The following RAB6A variants were observed in gnomAD, a reference collection of about 807,000 sequenced individuals.
RAB6A encodes RAB6A, member RAS oncogene family, also known as ras-related protein Rab-6A.
Under a neutral mutation model 32.3 loss-of-function variants are expected in RAB6A, and 8 were observed. The ratio of observed to expected loss-of-function variants is 0.25; its 90% CI spans 0.15 to 0.45. The LOEUF (loss-of-function observed/expected upper bound fraction) is 0.45, where lower values mean the gene tolerates loss of function less well. RAB6A is among the 20% of genes least tolerant of loss of function. The probability of loss-of-function intolerance (pLI) is 1.00; values close to 1 mark genes in which losing one functional copy is unlikely to be tolerated. For synonymous variants in RAB6A, 73 were observed against 82.1 expected, an observed-to-expected ratio of 0.89 and a Z score of 0.60; for missense variants, 104 against 249.4, an observed-to-expected ratio of 0.42 and a Z score of 3.93.
intron 4 of RAB6A, 127 bp from the exon 5 acceptor site, chr11:73,716,489 T>G (rs528777332): frequency 1.7e-6 from 1 of 589,524 alleles, no homozygotes; most frequent in African/African-American, 1.9e-5. Flanking sequence ...CCACTTTTAA[T>G]GTGCCTGCAA....
intron 5 of RAB6A, among the ~76,000 whole-genome samples, chr11:73,715,270 G>A (rs1389017227): frequency 1.3e-5 from 2 of 152,184 alleles, no homozygotes. Flanking sequence ...GGGATTACAG[G>A]TGCATGCCAC....
intron 2 of RAB6A, among the ~76,000 whole-genome samples, chr11:73,723,918 C>T (rs963428135): frequency 6.6e-6 from 1 of 152,150 alleles, no homozygotes; most frequent in African/African-American, 2.4e-5. Flanking sequence ...TATCTATATA[C>T]TGTAAACCAG....
intron 1 of RAB6A, among the ~76,000 whole-genome samples, chr11:73,754,881 A>G (rs373017822): frequency 1.7e-3 from 52 of 30,036 alleles, no homozygotes; most frequent in African/African-American, 3.4e-3. Context: ...AGAGGGATGC[A>G]GTCAAAAAAA....
At chr11:73,689,745 T>C (rs1433641629) in intron 6 of RAB6A, among the ~76,000 whole-genome samples, 1 of 152,120 alleles carries the variant, frequency 6.6e-6, no homozygotes, top group African/African-American at 2.4e-5. Flanking sequence ...ACTGAGGTCT[T>C]ATGTTTCCCT....
intron 6 of RAB6A, among the ~76,000 whole-genome samples, chr11:73,700,054 T>C (rs1207622886): frequency 1.3e-5 from 2 of 152,220 alleles, no homozygotes; most frequent in African/African-American, 4.8e-5. Context: ...CAAACAAATC[T>C]TCTTTTTATG....
chr11:73,712,379 C>A (rs1426451419), intron 5 of RAB6A, among the ~76,000 whole-genome samples: 1 of 148,524 alleles, frequency 6.7e-6, no homozygotes, highest in Non-Finnish European at 1.5e-5. Flanking sequence ...TTGAGACAGT[C>A]TCACTCTGTT....
At chr11:73,718,836 G>A in intron 3 of RAB6A, 118 bp from the exon 4 acceptor site, 1 of 1,593,588 alleles carries the variant, frequency 6.3e-7, no homozygotes, top group Non-Finnish European at 8.6e-7. Context: ...ATGTAACTGG[G>A]AATGAGGCTA....
At chr11:73,678,711 TATG>T in intron 7 of RAB6A, among the ~76,000 whole-genome samples, 1 of 147,240 alleles carries the variant, frequency 6.8e-6, no homozygotes, top group Non-Finnish European at 1.5e-5. Context: ...TATTATGTTT[TATG>T]TTGTTGTTGT....
Position 73,716,556 on chromosome 11 carries a change from A to T in RAB6A, c.290-194T>A, listed in dbSNP as rs564029663. Among the ~76,000 whole-genome samples the T allele has an allele frequency of 3.3e-5, 5 of 152,362 alleles. No individual in the cohort carries two copies. In the South Asian group the frequency reaches 1.0e-3, roughly 32 times the overall value. On this transcript the variant is annotated intron_variant, in intron 4 of 7. Coordinates refer to ENST00000336083, the MANE Select transcript of RAB6A (RefSeq NM_198896.2). ...AGCAATTTAAACAAATTACAAGAAT[A>T]AAATCTTCAAGGTTCCTTTTAGAGT...
chr11:73,724,778 G>T (rs1041766621), intron 2 of RAB6A, among the ~76,000 whole-genome samples: 1 of 152,190 alleles, frequency 6.6e-6, no homozygotes, highest in Non-Finnish European at 1.5e-5. Flanking sequence ...GAGCCACTGC[G>T]CCTGGCCTCC....
chr11:73,680,754 C>G (rs1189531854), intron 6 of RAB6A, among the ~76,000 whole-genome samples: 2 of 152,134 alleles, frequency 1.3e-5, no homozygotes, highest in African/African-American at 4.8e-5. Context: ...TAGAAAAGCA[C>G]TATGTTAGAG....
intron 1 of RAB6A, among the ~76,000 whole-genome samples, chr11:73,734,424 C>T (rs1946363090): frequency 6.6e-6 from 1 of 152,094 alleles, no homozygotes; most frequent in Admixed American, 6.6e-5. Flanking sequence ...CCGCACCTGG[C>T]CAGTTTATCC....
At chr11:73,743,135 A>G (rs1403572697) in intron 1 of RAB6A, among the ~76,000 whole-genome samples, 1 of 151,900 alleles carries the variant, frequency 6.6e-6, no homozygotes, top group African/African-American at 2.4e-5. Context: ...ATCTCTACTA[A>G]AAATACACAC....
At chr11:73,700,945 G>C (rs1945735324) in intron 6 of RAB6A, among the ~76,000 whole-genome samples, 1 of 152,160 alleles carries the variant, frequency 6.6e-6, no homozygotes, top group Admixed American at 6.6e-5. Context: ...TTTAAGGCAA[G>C]GTTCTTGGGT....
intron 6 of RAB6A, among the ~76,000 whole-genome samples, chr11:73,700,617 G>GGGGGGA (rs1945729872): frequency 9.0e-6 from 1 of 111,470 alleles, no homozygotes; most frequent in Non-Finnish European, 1.9e-5. Flanking sequence ...TGTGGGGGGG[G>GGGGGGA]GGGGGGGAGG....
At chr11:73,709,429 CCTT>C (rs1328457197) in intron 5 of RAB6A, among the ~76,000 whole-genome samples, 2 of 112,044 alleles carry the variant, frequency 1.8e-5, no homozygotes, top group South Asian at 3.0e-4. Flanking sequence ...TGAGTTTTCT[CCTT>C]AAGTATATTA....
intron 3 of RAB6A, 55 bp downstream of exon 3, chr11:73,720,791 G>C (rs1224107261): frequency 7.8e-7 from 1 of 1,278,646 alleles, no homozygotes; most frequent in African/African-American, 1.5e-5. Context: ...AACTTTGATT[G>C]CAGTTTTCTA....
intron 6 of RAB6A, among the ~76,000 whole-genome samples, chr11:73,680,382 C>T (rs1372430408): frequency 2.0e-5 from 3 of 152,110 alleles, no homozygotes; most frequent in Non-Finnish European, 2.9e-5. Context: ...CAGGGCTGGA[C>T]GCGGTGGCTC....
intron 1 of RAB6A, among the ~76,000 whole-genome samples, chr11:73,734,291 A>G (rs1357307863): frequency 6.6e-6 from 1 of 151,962 alleles, no homozygotes; most frequent in Non-Finnish European, 1.5e-5. Flanking sequence ...ACGCCCAGCT[A>G]GTTTTTGTAT....
Sources: allele counts gnomAD v4.1 joint callset (sites outside exome capture counted in the v4.1 genomes callset), GRCh38; gene constraint gnomAD v4.1.1; transcripts MANE v1.5; gene names NCBI Gene and HGNC (gene_info 2026-07-23, HGNC 2026-07-21).